Variants in TEAD2 observed in about 807,000 individuals in gnomAD.
The protein encoded by TEAD2 is transcriptional enhancer factor TEF-4.
Under a neutral mutation model 61.4 loss-of-function variants are expected in TEAD2, and 51 were observed. The observed-to-expected ratio is 0.83, with a 90% CI of 0.66 to 1.05. TEAD2 has a LOEUF of 1.05. TEAD2 is among the 50% of genes least tolerant of loss of function. The probability of loss-of-function intolerance (pLI) is 0.00; values close to 1 mark genes in which losing one functional copy is unlikely to be tolerated. For missense variants in TEAD2, 509 were observed against 600.0 expected, an observed-to-expected ratio of 0.85 and a Z score of 1.58; for synonymous variants, 244 against 243.2, an observed-to-expected ratio of 1.00 and a Z score of -0.03.
chr19:49,356,061 C>T, intron 4 of TEAD2, 91 bp from the exon 5 acceptor site: 2 of 1,049,134 alleles, frequency 1.9e-6, no homozygotes, highest in Middle Eastern at 3.0e-4. Context: ...CCTGCCCTAC[C>T]CGCCCGCACA....
At chr19:49,343,783 A>AT (rs898989063) in intron 10 of TEAD2, among the ~76,000 whole-genome samples, 7 of 136,972 alleles carry the variant, frequency 5.1e-5, no homozygotes, top group African/African-American at 1.9e-4. Flanking sequence ...ATAGCCTACC[A>AT]TTACCCCTGC....
At position 49,353,998 on chromosome 19, in the gene TEAD2, C is replaced by T. The variant is rs570330430; in HGVS notation, c.539+1150G>A. ...TGTTTTTAGTAGAGACGGGGTTTCA[C>T]CATGTTGGCCAGAATGGTCTCGATC... On this transcript the variant is annotated intron_variant, in intron 7 of 12. Transcript: ENST00000593945. Among the ~76,000 whole-genome samples the T allele has an allele frequency of 8.7e-5, 13 of 150,048 alleles. No individual in the cohort carries two copies. The South Asian group carries it at 2.5e-3, about 29-fold the overall frequency.
intron 10 of TEAD2, among the ~76,000 whole-genome samples, 198 bp from the exon 11 acceptor site, chr19:49,343,596 G>A (rs1188919015): frequency 2.6e-5 from 4 of 151,960 alleles, no homozygotes; most frequent in East Asian, 1.9e-4. Flanking sequence ...AAAATTAGCC[G>A]GGCGTGGTGG....
intron 7 of TEAD2, among the ~76,000 whole-genome samples, chr19:49,353,856 A>G (rs982468869): frequency 6.6e-6 from 1 of 150,766 alleles, no homozygotes. Context: ...TCTTGGCTCA[A>G]TGCAACCTCT....
chr19:49,352,440 C>T (rs142096476), intron 7 of TEAD2, among the ~76,000 whole-genome samples: 1,600 of 152,238 alleles, frequency 0.011, 28 homozygotes, highest in African/African-American at 0.036. Flanking sequence ...CAGGCGCAGT[C>T]GCTCACGCCT....
chr19:49,340,686 AG>A lies in TEAD2; in HGVS notation c.*637del, dbSNP rs969310477. 82 of 429,272 alleles carry A rather than the reference AG, an allele frequency of 1.9e-4. No homozygotes were observed. The highest frequency in any genetic ancestry group is 1.5e-3 in the African/African-American group (76 of 49,808). 26.6% of individuals were successfully genotyped at this position (429,272 alleles called of 1,614,324 possible). A position where few individuals can be genotyped will look rare whatever the true frequency, so the allele number is the denominator to read the frequency against. ...AAACCGTCTAGCTCAGGGCTCACTTAGGAGAGGGATGAGATTAGAAAGTTCA... is the reference window on the plus strand; with the variant it reads ...AAACCGTCTAGCTCAGGGCTCACTTAGAGAGGGATGAGATTAGAAAGTTCA... On this transcript the variant is annotated 3_prime_UTR_variant, in exon 13 of 13. Coordinates refer to ENST00000593945, the MANE Select transcript of TEAD2 (RefSeq NM_001256660.2).
At chr19:49,351,226 G>C in intron 8 of TEAD2, 75 bp downstream of exon 8, 1 of 1,376,340 alleles carries the variant, frequency 7.3e-7, no homozygotes, top group Non-Finnish European at 1.0e-6. Context: ...CTCAATTGAT[G>C]GAAGGTTGAA....
At chr19:49,356,068 C>T in intron 4 of TEAD2, 98 bp from the exon 5 acceptor site, 2 of 973,010 alleles carry the variant, frequency 2.1e-6, no homozygotes, top group Non-Finnish European at 2.7e-6. Flanking sequence ...TACCCGCCCG[C>T]ACAGCCCCGC....
chr19:49,354,143 A>C (rs1339442238), intron 7 of TEAD2, among the ~76,000 whole-genome samples: 1 of 150,652 alleles, frequency 6.6e-6, no homozygotes, highest in Non-Finnish European at 1.5e-5. Flanking sequence ...CTCCTGCCTC[A>C]CCGTCCTGCA....
intron 7 of TEAD2, among the ~76,000 whole-genome samples, chr19:49,352,622 C>T (rs1972095729): frequency 6.6e-6 from 1 of 152,150 alleles, no homozygotes; most frequent in African/African-American, 2.4e-5. Context: ...CCGCAACCTC[C>T]GCCTCCTGCA....
intron 4 of TEAD2, among the ~76,000 whole-genome samples, chr19:49,356,585 T>C (rs553236086): frequency 6.6e-6 from 1 of 151,676 alleles, no homozygotes; most frequent in Non-Finnish European, 1.5e-5. Flanking sequence ...AGGCAGGTCA[T>C]GCAAAGGTCA....
At chr19:49,344,588 C>A (rs1023277658) in intron 10 of TEAD2, among the ~76,000 whole-genome samples, 4 of 152,162 alleles carry the variant, frequency 2.6e-5, no homozygotes, top group African/African-American at 9.7e-5. Flanking sequence ...GCCAATTCAA[C>A]CTTTTTCCCT....
At chr19:49,342,948 G>C (rs1281856161) in intron 11 of TEAD2, among the ~76,000 whole-genome samples, 1 of 152,098 alleles carries the variant, frequency 6.6e-6, no homozygotes, top group East Asian at 1.9e-4. Context: ...CTGTAAGTGT[G>C]ACTTCTGAAC....
Position 49,341,500 on chromosome 19 carries a change from C to G in TEAD2, c.1243-63G>C, listed in dbSNP as rs1259303577. The G allele has an allele frequency of 6.0e-6, 8 of 1,343,196 alleles. No homozygotes were observed. Among genetic ancestry groups the G allele is most frequent in the Non-Finnish European group, 8.5e-6 (8 of 942,620 alleles). 83.2% of individuals were successfully genotyped at this position (1,343,196 alleles called of 1,614,324 possible). A position where few individuals can be genotyped will look rare whatever the true frequency, so the allele number is the denominator to read the frequency against. On this transcript the variant is annotated intron_variant, in intron 12 of 12. Transcript: ENST00000593945. The surrounding 1 kb of genome is among the most constrained non-coding windows in gnomAD (Gnocchi z 4.2). ...AGGGAGGGCAGGGACCCCTGTGCCC[C>G]CCTGCCAAGCTATCATGGAATACCC...
chr19:49,345,781 C>A (rs2146335752), intron 10 of TEAD2, among the ~76,000 whole-genome samples: 1 of 152,268 alleles, frequency 6.6e-6, no homozygotes, highest in South Asian at 2.1e-4. Flanking sequence ...GTAATCCCAG[C>A]ACTTTGGGAG....
intron 7 of TEAD2, among the ~76,000 whole-genome samples, chr19:49,354,727 C>T (rs1366804837): frequency 1.3e-5 from 2 of 152,020 alleles, no homozygotes; most frequent in Non-Finnish European, 2.9e-5. Context: ...AGGCTGGGCA[C>T]GGTGGCTCAC....
intron 1 of TEAD2, among the ~76,000 whole-genome samples, chr19:49,361,182 A>G (rs1972879531): frequency 2.6e-5 from 3 of 117,266 alleles, no homozygotes; most frequent in African/African-American, 6.8e-5. Flanking sequence ...GACCAGAGAG[A>G]GGGGTCCAGA....
intron 7 of TEAD2, among the ~76,000 whole-genome samples, chr19:49,354,417 T>A (rs977944049): frequency 4.6e-5 from 7 of 151,620 alleles, no homozygotes; most frequent in African/African-American, 1.7e-4. Context: ...GGCAAGAAGA[T>A]TGCTTGAACC....
chr19:49,360,977 CCAGAG>C, intron 1 of TEAD2, among the ~76,000 whole-genome samples: 1 of 93,668 alleles, frequency 1.1e-5, no homozygotes, highest in Non-Finnish European at 1.9e-5. Flanking sequence ...GGACAGAGAC[CCAGAG>C]AGAGAGGGGG....
Sources: gnomAD v4.1 joint callset for allele counts (sites outside exome capture counted in the v4.1 genomes callset) on GRCh38, gnomAD v4.1.1 for gene constraint, Gnocchi (gnomAD v3.1) non-coding constraint, MANE v1.5 for transcripts, NCBI Gene and HGNC (gene_info 2026-07-23, HGNC 2026-07-21) for gene names.